MTMR9: variants seen among roughly 807,000 people sequenced by gnomAD.
MTMR9 encodes the protein myotubularin related protein 9.
A neutral mutation model predicts 69.5 loss-of-function variants in MTMR9; 39 were observed. The observed-to-expected ratio is 0.56, with a 90% CI of 0.43 to 0.73. The LOEUF (loss-of-function observed/expected upper bound fraction) is 0.73. MTMR9 is among the 30% of genes least tolerant of loss of function. The probability of loss-of-function intolerance (pLI) is 0.00; values close to 1 mark genes in which losing one functional copy is unlikely to be tolerated. For synonymous variants in MTMR9, 354 were observed against 240.8 expected, an observed-to-expected ratio of 1.47 and a Z score of -4.35; for missense variants, 900 against 671.2, an observed-to-expected ratio of 1.34 and a Z score of -3.77.
Position 11,322,873 on chromosome 8 carries a change from G to A in MTMR9, c.*85G>A, listed in dbSNP as rs538261844. 18 of 1,302,402 alleles carry A rather than the reference G, an allele frequency of 1.4e-5. No homozygotes were observed. Among genetic ancestry groups the A allele is most frequent in the African/African-American group, 7.4e-5 (5 of 67,448 alleles). 80.7% of individuals were successfully genotyped at this position (1,302,402 alleles called of 1,614,324 possible). Reference sequence around the variant, plus strand: ...TGTGCCCTTCAGTTCACTTTTACACGGTAGCCTTGAAGTGAAGGCTTTAGA... The same window carrying A: ...TGTGCCCTTCAGTTCACTTTTACACAGTAGCCTTGAAGTGAAGGCTTTAGA... On this transcript the variant is annotated 3_prime_UTR_variant, in exon 10 of 10. Transcript: ENST00000221086.
intron 3 of MTMR9, among the ~76,000 whole-genome samples, chr8:11,301,996 C>A (rs1359547007): frequency 6.6e-6 from 1 of 151,964 alleles, no homozygotes; most frequent in Admixed American, 6.6e-5. Flanking sequence ...GTGGCTCACA[C>A]CTATAATCCT....
chr8:11,305,059 T>C, intron 4 of MTMR9, 45 bp downstream of exon 4: 1 of 1,572,914 alleles, frequency 6.4e-7, no homozygotes, highest in South Asian at 1.1e-5. Flanking sequence ...AGGCTTGGGT[T>C]GGGGATCTTT....
Position 11,314,916 on chromosome 8 carries a change from C to G in MTMR9, c.972-7C>G, listed in dbSNP as rs745309510. ...CCATTTGTACTCTTCCCTGATTTTC[C>G]TATCAGGGAAGGAGCATCAATATTG... On this transcript the variant is annotated splice_polypyrimidine_tract_variant and splice_region_variant and intron_variant, in intron 6 of 9. Transcript: ENST00000221086. 1.2e-5 allele frequency: 20 copies of G among 1,612,144 alleles called. No individual in the cohort carries two copies. Among genetic ancestry groups the G allele is most frequent in the Middle Eastern group, 1.6e-4 (1 of 6,076 alleles).
In MTMR9 at chr8:11,286,023, G is replaced by A. The variant is rs1329786064; in HGVS notation, c.182+953G>A. On this transcript the variant is annotated intron_variant, in intron 1 of 9. Transcript: ENST00000221086. ...GGCTGGAGTGCGGTGGCCAATCTCGGCTCACTGTAACCTCCACCTCCCAGG... is the reference window on the plus strand; with the variant it reads ...GGCTGGAGTGCGGTGGCCAATCTCGACTCACTGTAACCTCCACCTCCCAGG... Among the ~76,000 whole-genome samples, 3 of 146,872 alleles carry A rather than the reference G, an allele frequency of 2.0e-5. No homozygotes were observed. The Admixed American group carries it at 2.1e-4, about 10-fold the overall frequency.
rs995302744 is a variant in MTMR9, at chr8:11,326,187, A to G, written c.*3399A>G. 4 of 152,188 alleles carry G rather than the reference A, an allele frequency of 2.6e-5. No homozygotes were observed. Among genetic ancestry groups the G allele is most frequent in the Admixed American group, 6.5e-5 (1 of 15,284 alleles). 9.4% of individuals were successfully genotyped at this position (152,188 alleles called of 1,614,324 possible). On this transcript the variant is annotated 3_prime_UTR_variant, in exon 10 of 10. Coordinates refer to ENST00000221086, the MANE Select transcript of MTMR9 (RefSeq NM_015458.4). ...TTTGAAAGATCTGCTTCAAGGCATA[A>G]CTCGTGTAGTTGTCTGGTTTCAGGG...
chr8:11,335,820 A>T, the MTMR9 span, among the ~76,000 whole-genome samples: 1 of 151,878 alleles, frequency 6.6e-6, no homozygotes, highest in Admixed American at 6.6e-5. Flanking sequence ...TTCCCCTTTT[A>T]TTTTCTAGTC....
chr8:11,291,281 T>C (rs1332962863), intron 1 of MTMR9, among the ~76,000 whole-genome samples: 1 of 152,114 alleles, frequency 6.6e-6, no homozygotes, highest in Non-Finnish European at 1.5e-5. Flanking sequence ...AACTTTAAGA[T>C]GGTGTATATG....
At position 11,306,330 on chromosome 8, in the gene MTMR9, A is replaced by G. The variant is rs2117409417; in HGVS notation, c.732A>G (p.Gln244=). ...IDTRSLNVAQ[Q]TRAKGGGFEQ... ...CCCGATCCCTGAACGTGGCTCAGCA[A>G]ACTAGAGCCAAAGGAGGTGGCTTTG... The change falls in exon 5 of 10, where the codon CAA becomes CAG. Residue 244 remains glutamine (Q), a synonymous_variant. Coordinates refer to ENST00000221086, the MANE Select transcript of MTMR9 (RefSeq NM_015458.4). The G allele has an allele frequency of 6.2e-7, 1 of 1,614,098 alleles. No homozygotes were observed. Among genetic ancestry groups the G allele is most frequent in the Non-Finnish European group, 8.5e-7 (1 of 1,179,976 alleles).
rs1226585063 is a variant in MTMR9 at position 11,327,064 on chromosome 8, T to C, written c.*4276T>C. 6.6e-6 allele frequency: 1 copy of C among 152,162 alleles called. No homozygotes were observed. Among genetic ancestry groups the C allele is most frequent in the Non-Finnish European group, 1.5e-5 (1 of 68,020 alleles). 9.4% of individuals were successfully genotyped at this position (152,162 alleles called of 1,614,324 possible). ...TACTATAACTTTCTTATGGTATCAG[T>C]TTTCTTTATTTTCTTGAATAAAATT... On this transcript the variant is annotated 3_prime_UTR_variant, in exon 10 of 10. Transcript: ENST00000221086.
At chr8:11,321,375 G>C (rs533276142) in intron 9 of MTMR9, 3 of 456,178 alleles carry the variant, frequency 6.6e-6, no homozygotes, top group African/African-American at 4.0e-5. Context: ...GGACTTCTGG[G>C]ACAATGTACT....
chr8:11,304,782 C>T, intron 3 of MTMR9, 59 bp from the exon 4 acceptor site: 2 of 1,547,502 alleles, frequency 1.3e-6, no homozygotes, highest in Middle Eastern at 1.7e-4. Context: ...TAAAATTTCT[C>T]AGATTATTTT....
the MTMR9 span, among the ~76,000 whole-genome samples, chr8:11,335,764 A>C: frequency 1.3e-5 from 2 of 152,194 alleles, no homozygotes; most frequent in African/African-American, 4.8e-5. Flanking sequence ...CTCTGCCTTC[A>C]TCTATACATG....
chr8:11,328,200 G>GT (rs1801035200), downstream of MTMR9: 2 of 152,014 alleles, frequency 1.3e-5, no homozygotes, highest in South Asian at 4.2e-4. Flanking sequence ...TTTGGATGGT[G>GT]TTTCAATTAA....
At chr8:11,294,500 CT>C (rs61227530) in intron 1 of MTMR9, among the ~76,000 whole-genome samples, 36,439 of 105,602 alleles carry the variant, frequency 0.35, 4,908 homozygotes, top group East Asian at 0.65. Flanking sequence ...AATACTTTCA[CT>C]TTTTTTTTTT....
downstream of MTMR9, chr8:11,331,613 A>G: frequency 6.2e-7 from 1 of 1,613,024 alleles, no homozygotes; most frequent in Non-Finnish European, 8.5e-7. Flanking sequence ...TCCTAGGACT[A>G]ATCATCATTC....
downstream of MTMR9, chr8:11,331,956 G>A (rs200031734): frequency 1.4e-4 from 227 of 1,611,830 alleles, no homozygotes; most frequent in Non-Finnish European, 1.8e-4. Flanking sequence ...CCTGGTGTGC[G>A]CTGTCCTGCA....
intron 5 of MTMR9, among the ~76,000 whole-genome samples, chr8:11,308,305 T>C (rs1445099052): frequency 6.6e-6 from 1 of 152,206 alleles, no homozygotes; most frequent in Non-Finnish European, 1.5e-5. Context: ...CCTTTCCCCA[T>C]TGTATGTTCT....
At chr8:11,304,094 CTGT>C (rs945906447) in intron 3 of MTMR9, among the ~76,000 whole-genome samples, 1 of 151,562 alleles carries the variant, frequency 6.6e-6, no homozygotes, top group African/African-American at 2.4e-5. Flanking sequence ...AGTGTTCAAG[CTGT>C]TTTTAATTCT....
intron 5 of MTMR9, among the ~76,000 whole-genome samples, chr8:11,307,810 A>AT (rs917977112): frequency 1.2e-4 from 17 of 145,484 alleles, no homozygotes; most frequent in East Asian, 1.0e-3. Flanking sequence ...GATGCAGAGC[A>AT]TTTTTTTTTT....
Sources: allele counts gnomAD v4.1 joint callset (sites outside exome capture counted in the v4.1 genomes callset), GRCh38; gene constraint gnomAD v4.1.1; transcripts MANE v1.5; gene names NCBI Gene and HGNC (gene_info 2026-07-23, HGNC 2026-07-21).